Variants in ZNF251 observed in about 807,000 individuals in gnomAD.
ZNF251 encodes the protein zinc finger protein 251.
ZNF251 carries 14 observed loss-of-function variants against 13.5 expected under a neutral mutation model. That is an observed-to-expected ratio of 1.04 (90% confidence interval 0.69 to 1.63). The LOEUF (loss-of-function observed/expected upper bound fraction) is 1.63, where lower values mean the gene tolerates loss of function less well. ZNF251 is among the 40% of genes most tolerant of loss of function. The pLI is 0.00. For synonymous variants in ZNF251, 287 were observed against 295.2 expected (o/e 0.97, Z 0.28); for missense variants, 764 against 834.9 (o/e 0.92, Z 1.05).
At chr8:144,753,932 G>C in intron 3 of ZNF251, 136 bp from the exon 4 acceptor site, 1 of 779,740 alleles carries the variant, frequency 1.3e-6, no homozygotes, top group Non-Finnish European at 2.0e-6. Context: ...CTGAGACTAA[G>C]TACTGAAGGA....
In ZNF251 at chr8:144,721,726, A is replaced by G. The variant is rs775244003; in HGVS notation, c.1934T>C (p.Val645Ala). Residue 645 changes from valine (V) to alanine (A), a missense_variant, in exon 5 of 5, where the codon GTT (valine) becomes GCT (alanine). Transcript: ENST00000292562. ...SQLTPPQQTR[V>A]GEKPALNDGS... is the part of the protein sequence containing the mutation. ...ATCATTTAAAGCAGGTTTCTCTCCA[A>G]CACGAGTCTGCTGAGGTGGTGTGAG... The G allele has an allele frequency of 6.5e-6, 9 of 1,386,502 alleles. No individual in the cohort carries two copies. Among genetic ancestry groups the G allele is most frequent in the Non-Finnish European group, 7.5e-6 (8 of 1,062,658 alleles). 85.9% of individuals were successfully genotyped at this position (1,386,502 alleles called of 1,614,324 possible). A position where few individuals can be genotyped will look rare whatever the true frequency, so the allele number is the denominator to read the frequency against.
chr8:144,741,154 G>A (rs1165676381), intron 4 of ZNF251, among the ~76,000 whole-genome samples: 1 of 152,194 alleles, frequency 6.6e-6, no homozygotes, highest in Admixed American at 6.5e-5. Context: ...TCTCAAAAGT[G>A]TCCAAAAGGA....
chr8:144,745,186 TTC>T (rs1824361326), intron 4 of ZNF251, among the ~76,000 whole-genome samples: 1 of 146,668 alleles, frequency 6.8e-6, no homozygotes, highest in South Asian at 2.2e-4. Context: ...GGTGTCTAGA[TTC>T]TTTTTTTTTT....
Position 144,753,764 on chromosome 8 carries a change from G to A in ZNF251, c.196C>T (p.Gln66Ter). The stretch of plus-strand genomic sequence containing the variant: ...CAAAGTTCCTTCCCCTGCTCCAGCT[G>A]GGAGATCAACTCCGGCTTAGGGACA... Reference protein sequence around the residue: ...FPVPKPELISQLEQGKELWVL... With the variant: ...FPVPKPELIS The change falls in exon 4 of 5, where the codon CAG becomes TAG. Residue 66 changes from glutamine to a stop codon, truncating the protein, a stop_gained. Coordinates refer to ENST00000292562, the MANE Select transcript of ZNF251 (RefSeq NM_138367.2). LOFTEE classifies it high-confidence loss of function. The A allele has an allele frequency of 6.3e-7, 1 of 1,594,076 alleles. No homozygotes were observed.
rs762542286 is a variant in ZNF251 at position 144,722,404 on chromosome 8, T to C, written c.1256A>G (p.His419Arg). The change falls in exon 5 of 5, where the codon CAT (histidine) becomes CGT (arginine). Residue 419 changes from histidine (H) to arginine (R), a missense_variant. Coordinates refer to ENST00000292562, the MANE Select transcript of ZNF251 (RefSeq NM_138367.2). This position sits in a 1 kb window ranked among gnomAD's most constrained non-coding sequence, Gnocchi z 4.8. ...ECGRAFGFNS[H>R]LTEHVRIHTG... ...GTGAATCCTTACGTGTTCAGTAAGA[T>C]GAGAGTTAAAACCAAAGGCTCTGCC... 2 of 1,613,940 alleles carry C rather than the reference T, an allele frequency of 1.2e-6. No individual in the cohort carries two copies. The highest frequency in any genetic ancestry group is 1.1e-5 in the South Asian group (1 of 91,066).
intron 1 of ZNF251, chr8:144,755,140 G>T: frequency 8.3e-7 from 1 of 1,201,424 alleles, no homozygotes; most frequent in Non-Finnish European, 1.0e-6. Flanking sequence ...CCTCACCAAG[G>T]CTGAGGACGT....
intron 4 of ZNF251, among the ~76,000 whole-genome samples, chr8:144,752,309 A>G (rs1824736739): frequency 6.6e-6 from 1 of 152,156 alleles, no homozygotes; most frequent in Admixed American, 6.6e-5. Context: ...TAAAACAAGA[A>G]GCAACAAATA....
intron 4 of ZNF251, among the ~76,000 whole-genome samples, chr8:144,731,534 A>G (rs549606039): frequency 6.6e-6 from 1 of 152,298 alleles, no homozygotes; most frequent in South Asian, 2.1e-4. Context: ...TTAATGACAC[A>G]TATGTATTTA....
At position 144,732,675 on chromosome 8, in the gene ZNF251, G is replaced by A. The variant is rs768718416; in HGVS notation, c.278-9293C>T. On this transcript the variant is annotated intron_variant, in intron 4 of 4. Transcript: ENST00000292562. The stretch of plus-strand genomic sequence containing the variant: ...AAAATACAAAAAATTAGCTGGGTGT[G>A]GTGGCAGGCACTTATAGTCCCAGCT... Among the ~76,000 whole-genome samples, 101 of 152,198 alleles carry A rather than the reference G, an allele frequency of 6.6e-4. 2 individuals carry two copies. Among genetic ancestry groups the A allele is most frequent in the Middle Eastern group, 3.4e-3 (1 of 294 alleles).
In ZNF251 at chr8:144,740,963, A is replaced by AC. The variant is rs538051337; in HGVS notation, c.277+12719dup. Among the ~76,000 whole-genome samples, 22 of 151,948 alleles carry AC rather than the reference A, an allele frequency of 1.4e-4. No individual in the cohort carries two copies. The East Asian group carries it at 2.9e-3, about 20-fold the overall frequency. On this transcript the variant is annotated intron_variant, in intron 4 of 4. Transcript: ENST00000292562. ...AACAAAAAAAAAGAAACAAAAAAAA[A>AC]CCCCCAAAAATAAATAAATAAAAAT...
chr8:144,727,161 G>A (rs751224406), intron 4 of ZNF251, among the ~76,000 whole-genome samples: 10 of 152,200 alleles, frequency 6.6e-5, no homozygotes, highest in Non-Finnish European at 5.9e-5. Flanking sequence ...TTATCCCTGG[G>A]GCAGTAGTGC....
At chr8:144,728,617 C>T (rs1360536874) in intron 4 of ZNF251, among the ~76,000 whole-genome samples, 6 of 146,900 alleles carry the variant, frequency 4.1e-5, no homozygotes, top group Non-Finnish European at 8.9e-5. Flanking sequence ...GAGCCGAGAT[C>T]GCGCCACTGC....
Position 144,722,445 on chromosome 8 carries a change from A to C in ZNF251, c.1215T>G (p.Tyr405Ter), listed in dbSNP as rs778053321. Residue 405 changes from tyrosine (Y) to a stop codon, truncating the protein, a stop_gained, in exon 5 of 5, where the codon TAT becomes TAG. Coordinates refer to ENST00000292562, the MANE Select transcript of ZNF251 (RefSeq NM_138367.2). LOFTEE classifies it low-confidence loss of function (END_TRUNC). This position sits in a 1 kb window ranked among gnomAD's most constrained non-coding sequence, Gnocchi z 4.8. ...AGGCTCTGCCGCATTCATTACATAC[A>C]TAGGGTTTCTCTCCAGTATGAACCC... ...HHRVHTGEKP[Y>*]VCNECGRAFG... 1 of 1,613,688 alleles carries C rather than the reference A, an allele frequency of 6.2e-7. No homozygotes were observed. Among genetic ancestry groups the C allele is most frequent in the South Asian group, 1.1e-5 (1 of 91,058 alleles).
At chr8:144,725,231 T>C (rs1435125126) in intron 4 of ZNF251, among the ~76,000 whole-genome samples, 3 of 152,236 alleles carry the variant, frequency 2.0e-5, no homozygotes, top group Admixed American at 1.3e-4. Context: ...CCTAGGCTGG[T>C]TGCAAACTCC....
chr8:144,754,480 G>A (rs879770231), intron 2 of ZNF251, 159 bp from the exon 3 acceptor site: 40 of 1,445,430 alleles, frequency 2.8e-5, no homozygotes, highest in Non-Finnish European at 3.4e-5. Flanking sequence ...AGAGCGCTGA[G>A]GACCAGCCAA....
At chr8:144,735,824 T>C (rs1823870580) in intron 4 of ZNF251, among the ~76,000 whole-genome samples, 1 of 152,088 alleles carries the variant, frequency 6.6e-6, no homozygotes, top group Non-Finnish European at 1.5e-5. Flanking sequence ...TGGGACTATC[T>C]CCAGTCCTGA....
intron 4 of ZNF251, among the ~76,000 whole-genome samples, chr8:144,723,850 A>G (rs1273050576): frequency 6.6e-6 from 1 of 152,210 alleles, no homozygotes; most frequent in Non-Finnish European, 1.5e-5. Context: ...GTGAGATTCA[A>G]GCTGAAACCT....
Position 144,723,062 on chromosome 8 carries a change from G to T in ZNF251, c.598C>A (p.Gln200Lys). ...ACCCTCTCTCCTGTTTTATTTCTTT[G>T]AAGTCTAACAACATTTTGGTCCAGA... ...LNLDQNVVRL[Q>K]RNKTGERVFK... The change falls in exon 5 of 5, where the codon CAA becomes AAA. Residue 200 changes from glutamine to lysine, a missense_variant. Transcript: ENST00000292562. 2 of 1,613,984 alleles carry T rather than the reference G, an allele frequency of 1.2e-6. No homozygotes were observed. Among genetic ancestry groups the T allele is most frequent in the Non-Finnish European group, 1.7e-6 (2 of 1,179,890 alleles).
chr8:144,735,470 G>A (rs899749386), intron 4 of ZNF251, among the ~76,000 whole-genome samples: 5 of 151,874 alleles, frequency 3.3e-5, no homozygotes, highest in African/African-American at 1.2e-4. Context: ...TGTAGTACCA[G>A]GTCAGAGTTA....
Sources: allele counts gnomAD v4.1 joint callset (sites outside exome capture counted in the v4.1 genomes callset), GRCh38; gene constraint gnomAD v4.1.1; non-coding constraint Gnocchi (gnomAD v3.1); transcripts MANE v1.5; gene names NCBI Gene and HGNC (gene_info 2026-07-23, HGNC 2026-07-21).